INPP4B: variants seen among roughly 807,000 people sequenced by gnomAD.
The protein encoded by INPP4B is inositol polyphosphate-4-phosphatase type II B, also known as inositol polyphosphate 4-phosphatase type II.
A neutral mutation model predicts 122.5 loss-of-function variants in INPP4B; 55 were observed. That is an observed-to-expected ratio of 0.45 (90% CI 0.36 to 0.56). The LOEUF is 0.56. Ranked by LOEUF, INPP4B falls within the 20% of genes least tolerant of loss-of-function variation. INPP4B has a pLI of 0.00. For missense variants in INPP4B, 1,000 were observed against 1,097.7 expected (o/e 0.91, Z 1.26); for synonymous variants, 403 against 388.7 (o/e 1.04, Z -0.43).
At chr4:142,092,165 C>T (rs1161469424) in intron 23 of INPP4B, among the ~76,000 whole-genome samples, 1 of 152,184 alleles carries the variant, frequency 6.6e-6, no homozygotes, top group African/African-American at 2.4e-5. Context: ...CTCTTCTTAG[C>T]CCTTTGGTTG....
chr4:142,674,961 A>G lies in INPP4B; in HGVS notation c.-191+50878T>C, dbSNP rs566784542. Among the ~76,000 whole-genome samples the G allele has an allele frequency of 9.8e-5, 15 of 152,296 alleles. No individual in the cohort carries two copies. The South Asian group carries it at 3.1e-3, about 32-fold the overall frequency. On this transcript the variant is annotated intron_variant, in intron 2 of 25. Transcript: ENST00000262992. ...CAATTAAAAGAACTAGAGAAGCAAG[A>G]GCAAACAAATTCAAAAGCTAGTGGA...
intron 9 of INPP4B, among the ~76,000 whole-genome samples, chr4:142,304,966 T>C (rs1022622312): frequency 9.2e-5 from 14 of 152,174 alleles, no homozygotes; most frequent in African/African-American, 2.7e-4. Flanking sequence ...CTATTGTCTG[T>C]GTCAAGAAAG....
chr4:142,801,735 C>A (rs1041174806), intron 1 of INPP4B, among the ~76,000 whole-genome samples: 3 of 152,172 alleles, frequency 2.0e-5, no homozygotes, highest in African/African-American at 7.2e-5. Context: ...AATGGAGAAG[C>A]ATAAGTCAGA....
intron 2 of INPP4B, among the ~76,000 whole-genome samples, chr4:142,486,804 A>G (rs988849636): frequency 2.6e-5 from 4 of 152,182 alleles, no homozygotes; most frequent in African/African-American, 7.2e-5. Context: ...ATTTTGTTGC[A>G]TAGGTTTATC....
intron 2 of INPP4B, among the ~76,000 whole-genome samples, chr4:142,596,811 T>C (rs1193164639): frequency 6.6e-6 from 1 of 152,218 alleles, no homozygotes; most frequent in Non-Finnish European, 1.5e-5. Context: ...GCCAGTTCTT[T>C]GTGGAAATCA....
chr4:142,361,422 C>T (rs186169803), intron 7 of INPP4B, among the ~76,000 whole-genome samples: 22 of 152,012 alleles, frequency 1.4e-4, no homozygotes, highest in Admixed American at 1.3e-4. Context: ...TATGTCGATT[C>T]GCCACTTCTT....
rs1287857762 is a variant in INPP4B, at chr4:142,362,848, G to T, written c.372+40090C>A. On this transcript the variant is annotated intron_variant, in intron 7 of 25. Coordinates refer to ENST00000262992, the MANE Select transcript of INPP4B (RefSeq NM_001101669.3). Reference sequence around the variant, plus strand: ...TGAGTTTTCCAAACGGAAGGAAGGAGGGAGAAGGGCAAGGGCTGAAAAACT... The same window carrying T: ...TGAGTTTTCCAAACGGAAGGAAGGATGGAGAAGGGCAAGGGCTGAAAAACT... Among the ~76,000 whole-genome samples, 5 of 152,114 alleles carry T rather than the reference G, an allele frequency of 3.3e-5. No homozygotes were observed. The East Asian group carries it at 7.8e-4, about 24-fold the overall frequency.
chr4:142,491,581 C>T (rs1045284796), intron 2 of INPP4B, among the ~76,000 whole-genome samples: 5 of 152,156 alleles, frequency 3.3e-5, no homozygotes, highest in African/African-American at 7.2e-5. Flanking sequence ...TGCTTGAACC[C>T]GGGAGGTGGA....
chr4:142,651,816 C>T (rs955986202), intron 2 of INPP4B, among the ~76,000 whole-genome samples: 2 of 152,302 alleles, frequency 1.3e-5, no homozygotes, highest in South Asian at 2.1e-4. Flanking sequence ...GGTACCATTC[C>T]TTCTGTAACT....
chr4:142,221,998 C>T (rs1279347405), intron 12 of INPP4B, among the ~76,000 whole-genome samples: 1 of 152,158 alleles, frequency 6.6e-6, no homozygotes, highest in Non-Finnish European at 1.5e-5. Flanking sequence ...CTCACTCTGT[C>T]ACCCAGGCTG....
chr4:142,307,706 T>C (rs999832669), intron 8 of INPP4B, among the ~76,000 whole-genome samples: 1 of 152,234 alleles, frequency 6.6e-6, no homozygotes, highest in African/African-American at 2.4e-5. Context: ...TCGATCTTAC[T>C]TTCTCCTTCA....
chr4:142,086,962 T>C (rs1777153087), intron 23 of INPP4B, among the ~76,000 whole-genome samples: 1 of 152,128 alleles, frequency 6.6e-6, no homozygotes, highest in African/African-American at 2.4e-5. Context: ...ATTGAACAAC[T>C]CAGGGTTGGG....
At chr4:142,708,005 A>T (rs1257670815) in intron 2 of INPP4B, among the ~76,000 whole-genome samples, 1 of 152,212 alleles carries the variant, frequency 6.6e-6, no homozygotes, top group African/African-American at 2.4e-5. Flanking sequence ...ATGAGAACTT[A>T]TTGGGAAATG....
At chr4:142,698,746 G>A (rs576649888) in intron 2 of INPP4B, among the ~76,000 whole-genome samples, 3 of 152,156 alleles carry the variant, frequency 2.0e-5, no homozygotes. Flanking sequence ...AGGAGTTGCA[G>A]TCACAGACTC....
At chr4:142,826,057 T>C (rs1781418288) in intron 1 of INPP4B, among the ~76,000 whole-genome samples, 1 of 152,146 alleles carries the variant, frequency 6.6e-6, no homozygotes. Context: ...CGCATCGCCA[T>C]TGATAGGCTC....
intron 7 of INPP4B, among the ~76,000 whole-genome samples, chr4:142,371,306 G>A (rs749979800): frequency 2.0e-5 from 3 of 151,950 alleles, no homozygotes; most frequent in African/African-American, 7.3e-5. Flanking sequence ...CATATGACTC[G>A]AAACTATGAA....
chr4:142,116,163 A>ACCC (rs1489814924), intron 21 of INPP4B, among the ~76,000 whole-genome samples: 2 of 152,190 alleles, frequency 1.3e-5, no homozygotes, highest in Non-Finnish European at 2.9e-5. Context: ...TTCATAAAGC[A>ACCC]AGTCCTTTGA....
At chr4:142,662,450 C>T in intron 2 of INPP4B, among the ~76,000 whole-genome samples, 1 of 151,880 alleles carries the variant, frequency 6.6e-6, no homozygotes. Context: ...AAAAATTTTC[C>T]CCTCTCTATT....
chr4:142,845,796 C>T (rs1784116464), intron 1 of INPP4B, among the ~76,000 whole-genome samples: 3 of 151,982 alleles, frequency 2.0e-5, no homozygotes, highest in Admixed American at 6.5e-5. Flanking sequence ...AGCGAGTGCC[C>T]GGGCCAACCT....
Sources: allele counts gnomAD v4.1 joint callset (sites outside exome capture counted in the v4.1 genomes callset), GRCh38; gene constraint gnomAD v4.1.1; transcripts MANE v1.5; gene names NCBI Gene and HGNC (gene_info 2026-07-23, HGNC 2026-07-21).